ZFHX3: variants seen among roughly 807,000 people sequenced by gnomAD.
The protein encoded by ZFHX3 is zinc finger homeobox 3.
In ZFHX3, 42 loss-of-function variants were observed where a neutral mutation model predicts 279.1. The ratio of observed to expected loss-of-function variants is 0.15; its 90% confidence interval spans 0.12 to 0.19. The LOEUF (loss-of-function observed/expected upper bound fraction) is 0.19, where lower values mean the gene tolerates loss of function less well. ZFHX3 is among the 10% of genes least tolerant of loss of function. The pLI, the probability that ZFHX3 is intolerant of heterozygous loss-of-function variation, is 1.00. For missense variants in ZFHX3, 4,981 were observed against 4,754.0 expected, an observed-to-expected ratio of 1.05 and a Z score of -1.40; for synonymous variants, 2,293 against 1,957.8, an observed-to-expected ratio of 1.17 and a Z score of -4.52.
chr16:73,804,201 G>T (rs1960212005), intron 1 of ZFHX3, among the ~76,000 whole-genome samples: 1 of 152,082 alleles, frequency 6.6e-6, no homozygotes, highest in South Asian at 2.1e-4. Context: ...ATTACAAGGG[G>T]TAGGAGGAAC....
At chr16:72,880,594 G>A (rs751591076) in intron 4 of ZFHX3, among the ~76,000 whole-genome samples, 2 of 152,048 alleles carry the variant, frequency 1.3e-5, no homozygotes, top group Admixed American at 6.5e-5. Flanking sequence ...GGAAACGGGG[G>A]GTGAAAAATA....
At chr16:73,493,874 C>T (rs1272848782) in intron 2 of ZFHX3, among the ~76,000 whole-genome samples, 4 of 152,148 alleles carry the variant, frequency 2.6e-5, no homozygotes, top group South Asian at 4.1e-4. Context: ...CCCCAGACCT[C>T]AGAGCTGCTA....
At chr16:73,097,231 ATTTTTT>A (rs376018253) in intron 7 of ZFHX3, among the ~76,000 whole-genome samples, 5 of 126,722 alleles carry the variant, frequency 3.9e-5, no homozygotes, top group South Asian at 5.0e-4. Context: ...GCTAATTTTA[ATTTTTT>A]TTTTTTTTTT....
chr16:72,795,967 A>C lies in ZFHX3; in HGVS notation c.6715T>G (p.Trp2239Gly). 6.2e-7 allele frequency: 1 copy of C among 1,614,188 alleles called. No homozygotes were observed. The highest frequency in any genetic ancestry group is 2.2e-5 in the East Asian group (1 of 44,872). The change falls in exon 9 of 10, where the codon TGG (tryptophan) becomes GGG (glycine). Residue 2239 changes from tryptophan to glycine, a missense_variant. Transcript: ENST00000268489. ...GTTCTTGAAGACCTCTTGCTTCCCC[A>C]GTACTCCTGCTTTGGAGGTTCCGGC... is the stretch of plus-strand genomic sequence containing the variant. ...PSPEPPKQEY[W>G]GSKRSSRTRF...
rs2053221279 is a variant in ZFHX3, at chr16:73,698,845, A to C, written c.-1607-18605T>G. On this transcript the variant is annotated intron_variant, in intron 1 of 17. Transcript: ENST00000641206. ...GGATATTAGTGGAAAAAACCAATGC[A>C]ATTCAAATACAGTTTTATTTTTGTT... is the stretch of plus-strand genomic sequence containing the variant. Among the ~76,000 whole-genome samples, 4 of 146,154 alleles carry C rather than the reference A, an allele frequency of 2.7e-5. No homozygotes were observed. The South Asian group carries it at 9.2e-4, about 34-fold the overall frequency.
chr16:72,843,435 C>A (rs577838135), intron 4 of ZFHX3, among the ~76,000 whole-genome samples: 1 of 149,752 alleles, frequency 6.7e-6, no homozygotes, highest in Non-Finnish European at 1.5e-5. Context: ...GGCGTGAACC[C>A]GGGAGACGGA....
intron 1 of ZFHX3, among the ~76,000 whole-genome samples, chr16:72,992,208 C>T (rs1335024235): frequency 2.6e-5 from 4 of 152,134 alleles, no homozygotes; most frequent in Admixed American, 6.5e-5. Context: ...AGCGTTTCTC[C>T]GCCTTCCTCC....
intron 3 of ZFHX3, among the ~76,000 whole-genome samples, chr16:73,394,157 G>T (rs142986555): frequency 2.7e-5 from 4 of 150,290 alleles, no homozygotes; most frequent in Non-Finnish European, 4.4e-5. Flanking sequence ...CAGTTTCTCT[G>T]TTGGCTGTCT....
intron 2 of ZFHX3, among the ~76,000 whole-genome samples, chr16:73,459,383 GA>G (rs1173346103): frequency 6.6e-6 from 1 of 152,070 alleles, no homozygotes; most frequent in East Asian, 1.9e-4. Context: ...TTCTGAGATG[GA>G]TGGAGTCTCA....
intron 2 of ZFHX3, among the ~76,000 whole-genome samples, chr16:73,506,204 G>A (rs1034138162): frequency 6.6e-6 from 1 of 152,184 alleles, no homozygotes; most frequent in African/African-American, 2.4e-5. Context: ...GATCTGAAAT[G>A]CCTAGATTTT....
intron 3 of ZFHX3, among the ~76,000 whole-genome samples, chr16:73,432,102 A>T (rs566847242): frequency 1.5e-4 from 23 of 152,296 alleles, no homozygotes; most frequent in African/African-American, 5.5e-4. Context: ...CTAGGTATGG[A>T]TGAAGATTTC....
chr16:73,098,049 T>C (rs1360456696), intron 7 of ZFHX3, among the ~76,000 whole-genome samples: 2 of 150,858 alleles, frequency 1.3e-5, no homozygotes, highest in East Asian at 3.9e-4. Context: ...AGTGTACAAG[T>C]ATCTGCGTCC....
chr16:73,422,664 A>G (rs370451993), intron 3 of ZFHX3, among the ~76,000 whole-genome samples: 20 of 152,148 alleles, frequency 1.3e-4, no homozygotes, highest in African/African-American at 4.8e-4. Flanking sequence ...AGGCATTCAC[A>G]TTTCCTCTCA....
At chr16:72,922,731 C>T (rs2039614386) in intron 3 of ZFHX3, among the ~76,000 whole-genome samples, 1 of 152,186 alleles carries the variant, frequency 6.6e-6, no homozygotes, top group African/African-American at 2.4e-5. Context: ...ACATTTGTTT[C>T]AGATTGTTAC....
intron 5 of ZFHX3, among the ~76,000 whole-genome samples, chr16:73,159,395 G>A (rs938134842): frequency 2.0e-5 from 3 of 152,122 alleles, no homozygotes; most frequent in Admixed American, 1.3e-4. Flanking sequence ...TCGGCCAATG[G>A]GAGGATAGCT....
At chr16:73,777,041 T>C (rs1289863964) in intron 1 of ZFHX3, among the ~76,000 whole-genome samples, 2 of 152,200 alleles carry the variant, frequency 1.3e-5, no homozygotes, top group Middle Eastern at 6.3e-3. Context: ...AGGTATTGCA[T>C]TCCCCTATTT....
intron 5 of ZFHX3, among the ~76,000 whole-genome samples, chr16:73,215,118 T>A (rs2012158659): frequency 6.6e-6 from 1 of 152,034 alleles, no homozygotes; most frequent in African/African-American, 2.4e-5. Flanking sequence ...ATTATACCAG[T>A]CCCATAAAAG....
intron 2 of ZFHX3, among the ~76,000 whole-genome samples, chr16:73,481,216 C>G (rs2018858927): frequency 6.6e-6 from 1 of 151,984 alleles, no homozygotes; most frequent in Admixed American, 6.6e-5. Flanking sequence ...GTAATCCCAG[C>G]TACTTGGAAG....
intron 1 of ZFHX3, among the ~76,000 whole-genome samples, chr16:72,983,758 T>C (rs952814394): frequency 6.6e-6 from 1 of 151,038 alleles, no homozygotes; most frequent in African/African-American, 2.4e-5. Context: ...CATTGCTCCA[T>C]GCAACTCTCC....
Sources: gnomAD v4.1 joint callset for allele counts (sites outside exome capture counted in the v4.1 genomes callset) on GRCh38, gnomAD v4.1.1 for gene constraint, MANE v1.5 for transcripts, NCBI Gene and HGNC (gene_info 2026-07-23, HGNC 2026-07-21) for gene names.